Variants in ZNF287 observed in about 807,000 individuals in gnomAD.
ZNF287 encodes the protein zinc finger protein 287, also known as zinc finger protein with KRAB and SCAN domains 13.
Under a neutral mutation model 73.7 loss-of-function variants are expected in ZNF287, and 31 were observed. The observed-to-expected ratio is 0.42, with a 90% CI of 0.32 to 0.57. The LOEUF is 0.57. Ranked by LOEUF, ZNF287 falls within the 20% of genes least tolerant of loss-of-function variation. The pLI is 0.13. For synonymous variants in ZNF287, 301 were observed against 307.2 expected (o/e 0.98, Z 0.21); for missense variants, 641 against 909.3 (o/e 0.70, Z 3.79).
At chr17:16,560,310 G>GTA (rs71152817) in intron 5 of ZNF287, among the ~76,000 whole-genome samples, 11,413 of 112,400 alleles carry the variant, frequency 0.1, 471 homozygotes, top group African/African-American at 0.17. Flanking sequence ...CAACAGTGGT[G>GTA]TATATATATA....
In ZNF287 at chr17:16,551,599, T is replaced by C. The variant is rs1230289188; in HGVS notation, c.*257A>G. On this transcript the variant is annotated 3_prime_UTR_variant, in exon 6 of 6. Transcript: ENST00000395825. The stretch of plus-strand genomic sequence containing the variant: ...TGAAATAGAGAGTTGATGAGTTATG[T>C]TTTTGAATACCCTTCACAGGGTTTC... 4.9e-6 allele frequency: 2 copies of C among 410,034 alleles called. No homozygotes were observed. Among genetic ancestry groups the C allele is most frequent in the Non-Finnish European group, 8.6e-6 (2 of 231,500 alleles). 25.4% of individuals were successfully genotyped at this position (410,034 alleles called of 1,614,324 possible). A position where few individuals can be genotyped will look rare whatever the true frequency, so the allele number is the denominator to read the frequency against.
At position 16,551,609 on chromosome 17, in the gene ZNF287, C is replaced by A. The variant is rs968701494; in HGVS notation, c.*247G>T. ...AGTTGATGAGTTATGTTTTTGAATACCCTTCACAGGGTTTCTTTCTGTAAT... is the reference window on the plus strand; with the variant it reads ...AGTTGATGAGTTATGTTTTTGAATAACCTTCACAGGGTTTCTTTCTGTAAT... On this transcript the variant is annotated 3_prime_UTR_variant, in exon 6 of 6. Transcript: ENST00000395825. 7 of 429,380 alleles carry A rather than the reference C, an allele frequency of 1.6e-5. No individual in the cohort carries two copies. Among genetic ancestry groups the A allele is most frequent in the Non-Finnish European group, 1.6e-5 (4 of 243,870 alleles). 26.6% of individuals were successfully genotyped at this position (429,380 alleles called of 1,614,324 possible).
At chr17:16,564,816 C>T (rs1281848750) in intron 3 of ZNF287, among the ~76,000 whole-genome samples, 2 of 151,796 alleles carry the variant, frequency 1.3e-5, no homozygotes, top group South Asian at 2.1e-4. Flanking sequence ...CTTGCTCTGT[C>T]GCCCAGGCTG....
At chr17:16,563,279 G>A in intron 4 of ZNF287, 47 bp from the exon 5 acceptor site, 2 of 1,443,762 alleles carry the variant, frequency 1.4e-6, no homozygotes, top group South Asian at 2.5e-5. Context: ...ATAAATGGTT[G>A]CTCAAAGTTT....
Position 16,550,652 on chromosome 17 carries a change from G to C in ZNF287, c.*1204C>G, listed in dbSNP as rs938584461. 2.6e-5 allele frequency among the ~76,000 whole-genome samples: 4 copies of C among 152,094 alleles called. No homozygotes were observed. Among genetic ancestry groups the C allele is most frequent in the African/African-American group, 9.7e-5 (4 of 41,432 alleles). ...TTCTCATCACTCTAGAAATCTTTCTGTTGTGTAAACCACCTGTGATTTTCA... is the reference window on the plus strand; with the variant it reads ...TTCTCATCACTCTAGAAATCTTTCTCTTGTGTAAACCACCTGTGATTTTCA... On this transcript the variant is annotated 3_prime_UTR_variant, in exon 6 of 6. Coordinates refer to ENST00000395825, the MANE Select transcript of ZNF287 (RefSeq NM_020653.4).
chr17:16,566,376 C>T, intron 3 of ZNF287, 149 bp downstream of exon 3: 1 of 570,930 alleles, frequency 1.8e-6, no homozygotes, highest in East Asian at 3.0e-5. Context: ...CATTCACCTA[C>T]CTTAACAGAC....
At chr17:16,563,115 C>A (rs750451363) in intron 5 of ZNF287, 31 bp downstream of exon 5, 13 of 1,503,976 alleles carry the variant, frequency 8.6e-6, no homozygotes, top group Non-Finnish European at 1.2e-5. Flanking sequence ...TTCTTAAATA[C>A]AAAGAAGCTC....
chr17:16,564,256 G>A (rs544623278), intron 3 of ZNF287, among the ~76,000 whole-genome samples: 1 of 152,274 alleles, frequency 6.6e-6, no homozygotes, highest in African/African-American at 2.4e-5. Flanking sequence ...ACTGGAGTGC[G>A]ATGGTACAAT....
In ZNF287 at chr17:16,562,867, C is replaced by T. The variant is rs571859848; in HGVS notation, c.715+279G>A. ...AATCTAGAGGAAGGGGAAAGTGGCA[C>T]AATGAAAGCCCTAGACAAAGCTCTT... On this transcript the variant is annotated intron_variant, in intron 5 of 5. Transcript: ENST00000395825. Among the ~76,000 whole-genome samples the T allele has an allele frequency of 7.2e-5, 11 of 152,048 alleles. No homozygotes were observed. The South Asian group carries it at 2.3e-3, about 32-fold the overall frequency.
rs1183343232 is a variant in ZNF287 at position 16,550,203 on chromosome 17, CT to C, written c.*1652del. ...TTGTTTAATGATTACTGCATCAATG[CT>C]TTTTCCAATTAAATTTTTTCCTGAC... On this transcript the variant is annotated 3_prime_UTR_variant, in exon 6 of 6. Transcript: ENST00000395825. Among the ~76,000 whole-genome samples, 2 of 152,164 alleles carry C rather than the reference CT, an allele frequency of 1.3e-5. No homozygotes were observed. Among genetic ancestry groups the C allele is most frequent in the African/African-American group, 4.8e-5 (2 of 41,454 alleles).
intron 5 of ZNF287, 36 bp from the exon 6 acceptor site, chr17:16,553,462 T>C: frequency 7.1e-7 from 1 of 1,415,344 alleles, no homozygotes; most frequent in Non-Finnish European, 9.3e-7. Context: ...TCTTCATTTA[T>C]TTGGAGAAAG....
In ZNF287 at chr17:16,563,216, T is replaced by C; in HGVS notation, c.645A>G (p.Arg215=). Residue 215 remains arginine (R), a synonymous_variant, in exon 5 of 6, where the codon AGA becomes AGG. Transcript: ENST00000395825. ...CTTCCAATATGGGAATCACAGTTGG[T>C]CTGTACACTGTAAGTCCTGTTCAGG... The part of the protein sequence containing the change: ...NMVSLGLTVY[R]PTVIPILEEP... 1 of 1,612,928 alleles carries C rather than the reference T, an allele frequency of 6.2e-7. No homozygotes were observed. The highest frequency in any genetic ancestry group is 1.1e-5 in the South Asian group (1 of 90,894).
chr17:16,568,629 C>T (rs977775456), intron 1 of ZNF287: 11 of 152,364 alleles, frequency 7.2e-5, no homozygotes, highest in African/African-American at 2.7e-4. Context: ...GCTCCGAGCC[C>T]TGCTGAGGCA....
intron 3 of ZNF287, 142 bp downstream of exon 3, chr17:16,566,383 A>T: frequency 1.7e-6 from 1 of 594,924 alleles, no homozygotes. Context: ...CTACCTTAAC[A>T]GACCAAGATA....
intron 1 of ZNF287, 53 bp from the exon 2 acceptor site, chr17:16,567,982 T>C: frequency 7.5e-7 from 1 of 1,333,290 alleles, no homozygotes; most frequent in Non-Finnish European, 9.6e-7. Flanking sequence ...TACTCTACTA[T>C]ACATATACAC....
chr17:16,560,332 A>ATATG, intron 5 of ZNF287, among the ~76,000 whole-genome samples: 1 of 140,682 alleles, frequency 7.1e-6, no homozygotes, highest in Non-Finnish European at 1.5e-5. Context: ...ATATATATAT[A>ATATG]TGGGGTGGGG....
Position 16,553,088 on chromosome 17 carries a change from C to T in ZNF287, c.1054G>A (p.Val352Ile), listed in dbSNP as rs758943408. 9 of 1,614,168 alleles carry T rather than the reference C, an allele frequency of 5.6e-6. No individual in the cohort carries two copies. The South Asian group carries it at 8.8e-5, about 16-fold the overall frequency. The part of the protein sequence containing the change: ...YNEGRATFNH[V>I]SYGIVHRKIL... ...TTCCTATGTACAATACCATATGAGA[C>T]ATGATTGAAGGTTGCCCTGCCTTCA... The change falls in exon 6 of 6, where the codon GTC (valine) becomes ATC (isoleucine). Residue 352 changes from valine (V) to isoleucine (I), a missense_variant. Val to Ile is a conservative substitution (Grantham distance 29, BLOSUM62 3). Transcript: ENST00000395825.
Position 16,563,782 on chromosome 17 carries a change from T to A in ZNF287, c.545A>T (p.Glu182Val). ...CACAGGACGCATTAACTCCCAGTCC[T>A]CCTGGGTGATGTCTACAGCCACATC... ...FKDVAVDITQ[E>V]DWELMRPVQK... Residue 182 changes from glutamate to valine, a missense_variant, in exon 4 of 6, where the codon GAG (glutamate) becomes GTG (valine). By Grantham distance (121) the Glu-to-Val change is moderately radical. Coordinates refer to ENST00000395825, the MANE Select transcript of ZNF287 (RefSeq NM_020653.4). 6.2e-7 allele frequency: 1 copy of A among 1,613,938 alleles called. No homozygotes were observed. Among genetic ancestry groups the A allele is most frequent in the Middle Eastern group, 1.7e-4 (1 of 6,058 alleles).
rs774193776 is a variant in ZNF287, at chr17:16,553,191, A to G, written c.951T>C (p.Tyr317=). Residue 317 remains tyrosine, a synonymous_variant, in exon 6 of 6, where the codon TAT becomes TAC. Coordinates refer to ENST00000395825, the MANE Select transcript of ZNF287 (RefSeq NM_020653.4). The part of the protein sequence containing the change: ...TEECLSKYDI[Y]RNNFEKHSNL... ...TTGAATGCTTTTCAAAATTATTTCT[A>G]TATATATCATATTTACTAAGACATT... The G allele has an allele frequency of 1.9e-6, 3 of 1,599,692 alleles. No individual in the cohort carries two copies. Among genetic ancestry groups the G allele is most frequent in the East Asian group, 2.2e-5 (1 of 44,806 alleles).
Sources: allele counts gnomAD v4.1 joint callset (sites outside exome capture counted in the v4.1 genomes callset), GRCh38; gene constraint gnomAD v4.1.1; transcripts MANE v1.5; gene names NCBI Gene and HGNC (gene_info 2026-07-23, HGNC 2026-07-21).